Variants in STAU1 observed in about 807,000 individuals in gnomAD.
STAU1 encodes the protein staufen double-stranded RNA binding protein 1.
A neutral mutation model predicts 62.9 loss-of-function variants in STAU1; 13 were observed. That is an observed-to-expected ratio of 0.21 (90% CI 0.13 to 0.33). The LOEUF (loss-of-function observed/expected upper bound fraction) is 0.33, where lower values mean the gene tolerates loss of function less well. STAU1 is among the 10% of genes least tolerant of loss of function. The pLI, the probability that STAU1 is intolerant of heterozygous loss-of-function variation, is 1.00. For missense variants in STAU1, 571 were observed against 712.1 expected, an observed-to-expected ratio of 0.80 and a Z score of 2.25; for synonymous variants, 269 against 265.1, an observed-to-expected ratio of 1.01 and a Z score of -0.14.
At chr20:49,146,717 AAGG>A (rs2093139230) in intron 5 of STAU1, among the ~76,000 whole-genome samples, 1 of 151,922 alleles carries the variant, frequency 6.6e-6, no homozygotes, top group African/African-American at 2.4e-5. Flanking sequence ...AAAAAAAAAA[AAGG>A]AAAGAAAGAA....
intron 6 of STAU1, among the ~76,000 whole-genome samples, chr20:49,129,280 ATT>A (rs71184264): frequency 1.1e-5 from 1 of 87,926 alleles, no homozygotes; most frequent in Non-Finnish European, 2.0e-5. Flanking sequence ...TTAAAAAAAA[ATT>A]TTTTTTTTTT....
chr20:49,181,761 C>A, intron 1 of STAU1, among the ~76,000 whole-genome samples: 1 of 45,008 alleles, frequency 2.2e-5, no homozygotes, highest in Non-Finnish European at 3.5e-5. Context: ...GCAAGACTAT[C>A]TCAACAAAAA....
chr20:49,171,453 G>A (rs1390047433), intron 2 of STAU1, among the ~76,000 whole-genome samples: 2 of 152,056 alleles, frequency 1.3e-5, no homozygotes, highest in African/African-American at 4.8e-5. Context: ...CCGCCACCAC[G>A]CCCGGCTAAT....
upstream of STAU1, among the ~76,000 whole-genome samples, chr20:49,190,845 G>A (rs888546348): frequency 2.0e-5 from 3 of 151,644 alleles, no homozygotes; most frequent in Non-Finnish European, 4.4e-5. Context: ...GATAAATTAT[G>A]TGCATCTGTA....
At chr20:49,181,600 G>A (rs891422690) in intron 1 of STAU1, among the ~76,000 whole-genome samples, 2 of 151,522 alleles carry the variant, frequency 1.3e-5, no homozygotes, top group Non-Finnish European at 1.5e-5. Flanking sequence ...CCCCATCTCT[G>A]CTAAAAATAC....
rs2092350979 is a variant in STAU1, at chr20:49,117,266, G to A, written c.1510-18C>T. ...TATTCAACCTAAGGGGGAAAAGAGA[G>A]CTGAGGCTAGGTAGGGAACAGCAAG... On this transcript the variant is annotated intron_variant, in intron 11 of 13. Coordinates refer to ENST00000371856, the MANE Select transcript of STAU1 (RefSeq NM_017453.4). This position sits in a 1 kb window ranked among gnomAD's most constrained non-coding sequence, Gnocchi z 4.6. The A allele has an allele frequency of 1.2e-6, 2 of 1,613,656 alleles. No homozygotes were observed. The highest frequency in any genetic ancestry group is 4.5e-5 in the East Asian group (2 of 44,882).
At chr20:49,188,837 C>T (rs75641679), upstream of STAU1, among the ~76,000 whole-genome samples, 1,736 of 152,280 alleles carry the variant, frequency 0.011, 39 homozygotes, top group African/African-American at 0.039. Context: ...AAAATCCCTG[C>T]CCTCGTGGAG....
At chr20:49,212,340 TTTTG>T in the STAU1 span, among the ~76,000 whole-genome samples, 1 of 152,158 alleles carries the variant, frequency 6.6e-6, no homozygotes, top group South Asian at 2.1e-4. Context: ...TTTGGAGAAA[TTTTG>T]TTTATTTTTC....
chr20:49,128,075 G>A (rs1240840424), intron 6 of STAU1, among the ~76,000 whole-genome samples: 1 of 151,820 alleles, frequency 6.6e-6, no homozygotes, highest in Non-Finnish European at 1.5e-5. Context: ...CTTGAACCCA[G>A]GAGGCAGAGG....
intron 6 of STAU1, among the ~76,000 whole-genome samples, chr20:49,127,543 T>C (rs1453638201): frequency 2.0e-5 from 3 of 148,424 alleles, no homozygotes; most frequent in African/African-American, 2.5e-5. Flanking sequence ...CTGTCTCTAC[T>C]AAAAATACAA....
In STAU1 at chr20:49,124,715, G is replaced by A; in HGVS notation, c.610-128C>T. The A allele has an allele frequency of 7.8e-6, 7 of 897,244 alleles. No homozygotes were observed. In the South Asian group the frequency reaches 9.0e-5, roughly 12 times the overall value. 55.6% of individuals were successfully genotyped at this position (897,244 alleles called of 1,614,324 possible). On this transcript the variant is annotated intron_variant, in intron 6 of 13. Transcript: ENST00000371856. The stretch of plus-strand genomic sequence containing the variant: ...AAGGACAAGACCTACTAAATGAAAG[G>A]AAGCGGGGATCATTTCAAATGCTTT...
At chr20:49,129,738 G>A (rs1408100129) in intron 6 of STAU1, among the ~76,000 whole-genome samples, 4 of 149,418 alleles carry the variant, frequency 2.7e-5, no homozygotes, top group Non-Finnish European at 4.4e-5. Flanking sequence ...AGGTTCAAGC[G>A]ATTCTCATGC....
At chr20:49,134,322 TCA>T (rs1184363641) in intron 6 of STAU1, among the ~76,000 whole-genome samples, 2 of 151,386 alleles carry the variant, frequency 1.3e-5, no homozygotes, top group African/African-American at 4.9e-5. Context: ...TCCCAGCTAC[TCA>T]GGAGGCTGAG....
At chr20:49,203,232 C>G in the STAU1 span, among the ~76,000 whole-genome samples, 10 of 152,132 alleles carry the variant, frequency 6.6e-5, no homozygotes, top group Admixed American at 2.0e-4. Flanking sequence ...TGAGACCAAC[C>G]TGGCCAACAT....
At chr20:49,163,893 T>C (rs2093486977) in intron 3 of STAU1, among the ~76,000 whole-genome samples, 1 of 152,176 alleles carries the variant, frequency 6.6e-6, no homozygotes, top group East Asian at 1.9e-4. Context: ...GCCTCCCAAG[T>C]AGCTGGGACA....
chr20:49,145,149 G>A (rs2093097980), intron 5 of STAU1, among the ~76,000 whole-genome samples: 2 of 152,254 alleles, frequency 1.3e-5, no homozygotes, highest in East Asian at 3.9e-4. Flanking sequence ...AACCTGGCTG[G>A]GCGTGGTGGC....
At chr20:49,189,779 TTAAAAA>T (rs1167949971), upstream of STAU1, among the ~76,000 whole-genome samples, 1 of 152,024 alleles carries the variant, frequency 6.6e-6, no homozygotes, top group Non-Finnish European at 1.5e-5. Flanking sequence ...GCCCCACTAT[TTAAAAA>T]TAATTCTCTC....
upstream of STAU1, among the ~76,000 whole-genome samples, chr20:49,192,890 G>T (rs2093832992): frequency 1.3e-5 from 2 of 152,130 alleles, no homozygotes; most frequent in African/African-American, 4.8e-5. Context: ...CATGTCTAAA[G>T]TCTTATGGAA....
At chr20:49,157,441 G>C (rs2093377796) in intron 3 of STAU1, among the ~76,000 whole-genome samples, 1 of 151,720 alleles carries the variant, frequency 6.6e-6, no homozygotes, top group Non-Finnish European at 1.5e-5. Context: ...AACCTCCTGA[G>C]TAGCTGGGAC....
Sources: allele counts gnomAD v4.1 joint callset (sites outside exome capture counted in the v4.1 genomes callset), GRCh38; gene constraint gnomAD v4.1.1; non-coding constraint Gnocchi (gnomAD v3.1); transcripts MANE v1.5; gene names NCBI Gene and HGNC (gene_info 2026-07-23, HGNC 2026-07-21).